The following SLC35F1 variants were observed in gnomAD, a reference collection of about 807,000 sequenced individuals.
SLC35F1 encodes solute carrier family 35 member F1.
In SLC35F1, 14 loss-of-function variants were observed where a neutral mutation model predicts 48.7. That is an observed-to-expected ratio of 0.29 (90% CI 0.19 to 0.45). The LOEUF is 0.45. Among genes scored for constraint, SLC35F1 ranks in the 20% least tolerant of loss-of-function variants. The pLI, the probability that SLC35F1 is intolerant of heterozygous loss-of-function variation, is 1.00. For missense variants in SLC35F1, 404 were observed against 500.0 expected (o/e 0.81, Z 1.83); for synonymous variants, 190 against 202.2 (o/e 0.94, Z 0.51).
At chr6:118,226,933 A>G (rs150703675) in intron 2 of SLC35F1, among the ~76,000 whole-genome samples, 31 of 152,358 alleles carry the variant, frequency 2.0e-4, no homozygotes, top group African/African-American at 7.5e-4. Flanking sequence ...AATGTATCAA[A>G]TTGTCAAATG....
intron 3 of SLC35F1, among the ~76,000 whole-genome samples, chr6:118,250,393 A>G (rs1775557840): frequency 6.6e-6 from 1 of 152,252 alleles, no homozygotes; most frequent in African/African-American, 2.4e-5. Flanking sequence ...GAATGAATTC[A>G]TAAAATACTT....
intron 1 of SLC35F1, among the ~76,000 whole-genome samples, chr6:118,133,720 C>T (rs895551089): frequency 3.9e-5 from 6 of 152,124 alleles, no homozygotes; most frequent in African/African-American, 1.4e-4. Context: ...GCTGTTGCTG[C>T]TTATAGACTT....
chr6:118,036,781 G>A lies in SLC35F1; in HGVS notation c.174-117664G>A, dbSNP rs192926869. ...TCACTATGTTGCCAAGGCTGGTCTTGAACTCCTGGCCTCAAGTGATCCTCC... is the reference window on the plus strand; with the variant it reads ...TCACTATGTTGCCAAGGCTGGTCTTAAACTCCTGGCCTCAAGTGATCCTCC... On this transcript the variant is annotated intron_variant, in intron 1 of 7. Coordinates refer to ENST00000360388, the MANE Select transcript of SLC35F1 (RefSeq NM_001029858.4). Among the ~76,000 whole-genome samples the A allele has an allele frequency of 2.0e-5, 3 of 152,164 alleles. No individual in the cohort carries two copies. In the East Asian group the frequency reaches 5.8e-4, roughly 29 times the overall value.
At chr6:118,272,737 G>GTGTATATATATATACA (rs201515909) in intron 4 of SLC35F1, among the ~76,000 whole-genome samples, 4 of 120,250 alleles carry the variant, frequency 3.3e-5, no homozygotes, top group Non-Finnish European at 6.9e-5. Context: ...ATATGTGTGT[G>GTGTATATATATATACA]TATATATATA....
At chr6:117,966,198 G>A (rs1358945575) in intron 1 of SLC35F1, among the ~76,000 whole-genome samples, 1 of 142,774 alleles carries the variant, frequency 7.0e-6, no homozygotes, top group Non-Finnish European at 1.5e-5. Context: ...TGTCCATGCT[G>A]TGGAAGCTTT....
At chr6:118,310,467 C>A (rs1776360129) in intron 7 of SLC35F1, among the ~76,000 whole-genome samples, 1 of 152,012 alleles carries the variant, frequency 6.6e-6, no homozygotes, top group Admixed American at 6.6e-5. Context: ...ATTCAATTTT[C>A]TTTTTCTTAA....
At chr6:118,147,433 C>T (rs115251931) in intron 1 of SLC35F1, among the ~76,000 whole-genome samples, 240 of 152,194 alleles carry the variant, frequency 1.6e-3, no homozygotes, top group African/African-American at 5.5e-3. Context: ...GTCATGGCAG[C>T]GACCACTGGA....
intron 1 of SLC35F1, among the ~76,000 whole-genome samples, chr6:118,028,572 T>A (rs56731936): frequency 0.017 from 2,614 of 152,110 alleles, 75 homozygotes; most frequent in African/African-American, 0.059. Flanking sequence ...GTTTTAGAGT[T>A]CACAGGTGGA....
intron 3 of SLC35F1, among the ~76,000 whole-genome samples, chr6:118,262,686 A>G (rs1775727781): frequency 6.6e-6 from 1 of 152,194 alleles, no homozygotes; most frequent in South Asian, 2.1e-4. Flanking sequence ...TAACTCCCTT[A>G]AAGGGCTGTT....
intron 1 of SLC35F1, among the ~76,000 whole-genome samples, chr6:118,028,677 T>C (rs1286503183): frequency 6.6e-6 from 1 of 151,896 alleles, no homozygotes; most frequent in African/African-American, 2.4e-5. Flanking sequence ...ATGATGAGAA[T>C]TGGGAAGGGC....
chr6:118,147,352 C>T (rs1225906852), intron 1 of SLC35F1, among the ~76,000 whole-genome samples: 1 of 152,110 alleles, frequency 6.6e-6, no homozygotes, highest in Non-Finnish European at 1.5e-5. Context: ...ACAGCCTGGG[C>T]ATCGGAAACA....
At chr6:118,050,008 A>G (rs1471370005) in intron 1 of SLC35F1, among the ~76,000 whole-genome samples, 1 of 152,214 alleles carries the variant, frequency 6.6e-6, no homozygotes, top group East Asian at 1.9e-4. Context: ...AATGTGGCAC[A>G]TATACACCAT....
intron 7 of SLC35F1, among the ~76,000 whole-genome samples, chr6:118,295,366 C>T (rs1280870310): frequency 6.6e-6 from 1 of 152,122 alleles, no homozygotes; most frequent in Non-Finnish European, 1.5e-5. Flanking sequence ...CAAAAATCAC[C>T]AGGCAGATTA....
Position 117,984,285 on chromosome 6 carries a change from T to A in SLC35F1, c.173+76386T>A, listed in dbSNP as rs150289173. 6.2e-3 allele frequency among the ~76,000 whole-genome samples: 946 copies of A among 152,162 alleles called. 9 individuals carry two copies. Among genetic ancestry groups the A allele is most frequent in the African/African-American group, 0.022 (895 of 41,518 alleles). ...AAATCAAAAGAAATAAGCAGGCAGA[T>A]CACGAGGTCAGGAGATCACCTGGCT... is the stretch of plus-strand genomic sequence containing the variant. On this transcript the variant is annotated intron_variant, in intron 1 of 7. Coordinates refer to ENST00000360388, the MANE Select transcript of SLC35F1 (RefSeq NM_001029858.4).
At chr6:118,305,189 G>A (rs1321846682) in intron 7 of SLC35F1, among the ~76,000 whole-genome samples, 1 of 150,662 alleles carries the variant, frequency 6.6e-6, no homozygotes, top group Non-Finnish European at 1.5e-5. Flanking sequence ...CAGCGGGATA[G>A]AAATCCAGGA....
chr6:118,008,267 A>G (rs1486362872), intron 1 of SLC35F1, among the ~76,000 whole-genome samples: 1 of 66,036 alleles, frequency 1.5e-5, no homozygotes, highest in Non-Finnish European at 2.9e-5. Context: ...TTTAAGTAGT[A>G]CACAGCAAAA....
chr6:118,004,375 G>A (rs1777146493), intron 1 of SLC35F1, among the ~76,000 whole-genome samples: 1 of 152,088 alleles, frequency 6.6e-6, no homozygotes, highest in Non-Finnish European at 1.5e-5. Flanking sequence ...TTTTAGTGAT[G>A]ACTGAAAGTG....
At chr6:118,285,405 T>A (rs1275161984) in intron 7 of SLC35F1, 67 bp downstream of exon 7, 1 of 1,571,180 alleles carries the variant, frequency 6.4e-7, no homozygotes, top group African/African-American at 1.3e-5. Context: ...TGGGTAGGAA[T>A]GCCTGGATGT....
At chr6:118,310,160 A>C (rs570427379) in intron 7 of SLC35F1, among the ~76,000 whole-genome samples, 1 of 152,286 alleles carries the variant, frequency 6.6e-6, no homozygotes, top group South Asian at 2.1e-4. Flanking sequence ...ACAGTTTGCA[A>C]AGGAGAAGAC....
Sources: allele counts gnomAD v4.1 joint callset (sites outside exome capture counted in the v4.1 genomes callset), GRCh38; gene constraint gnomAD v4.1.1; transcripts MANE v1.5; gene names NCBI Gene and HGNC (gene_info 2026-07-23, HGNC 2026-07-21).